The following RPN1 variants were observed in gnomAD, a reference collection of about 807,000 sequenced individuals.
RPN1 encodes dolichyl-diphosphooligosaccharide--protein glycosyltransferase subunit 1.
In RPN1, 12 loss-of-function variants were observed where a neutral mutation model predicts 55.5. That is an observed-to-expected ratio of 0.22 (90% CI 0.14 to 0.35). The LOEUF is 0.35. Among genes scored for constraint, RPN1 ranks in the 10% least tolerant of loss-of-function variants. The pLI, the probability that RPN1 is intolerant of heterozygous loss-of-function variation, is 1.00. For synonymous variants in RPN1, 317 were observed against 305.9 expected, an observed-to-expected ratio of 1.04 and a Z score of -0.38; for missense variants, 679 against 761.3, an observed-to-expected ratio of 0.89 and a Z score of 1.27.
Position 128,625,647 on chromosome 3 carries a change from A to G in RPN1, c.1282T>C (p.Tyr428His). ...AGCATGAGCACCTTGTTGAACGTGT[A>G]GTGGACCTGGGAGAAGCAAGAGGAC... ...EQHIQDIVVH[Y>H]TFNKVLMLQE... The change falls in exon 8 of 10, where the codon TAC (tyrosine) becomes CAC (histidine). Residue 428 changes from tyrosine to histidine, a missense_variant. Tyr to His is a moderately conservative substitution (Grantham distance 83). Transcript: ENST00000296255. 6.2e-7 allele frequency: 1 copy of G among 1,614,092 alleles called. No individual in the cohort carries two copies. The highest frequency in any genetic ancestry group is 1.7e-4 in the Middle Eastern group (1 of 6,030).
Position 128,648,724 on chromosome 3 carries a change from G to T in RPN1, c.261+1816C>A, listed in dbSNP as rs560289938. ...AATAGCACATATATCCATTTAACTG[G>T]TGTCTTGGACTACAAAATTGAAAAT... On this transcript the variant is annotated intron_variant, in intron 1 of 9. Transcript: ENST00000296255. Among the ~76,000 whole-genome samples, 4 of 152,214 alleles carry T rather than the reference G, an allele frequency of 2.6e-5. No homozygotes were observed. In the South Asian group the frequency reaches 8.3e-4, roughly 32 times the overall value.
chr3:128,620,014 TTAA>T lies in RPN1; in HGVS notation c.*394_*396del. 5.4e-6 allele frequency: 1 copy of T among 184,172 alleles called. No individual in the cohort carries two copies. Among genetic ancestry groups the T allele is most frequent in the Non-Finnish European group, 1.0e-5 (1 of 95,292 alleles). 11.4% of individuals were successfully genotyped at this position (184,172 alleles called of 1,614,324 possible). On this transcript the variant is annotated 3_prime_UTR_variant, in exon 10 of 10. Coordinates refer to ENST00000296255, the MANE Select transcript of RPN1 (RefSeq NM_002950.4). ...TTATTTCCATTTGTTCACACACGCT[TTAA>T]AAAAAAAAAAAAAAACACATGCACT...
At chr3:128,638,250 C>T (rs954530467) in intron 2 of RPN1, 145 bp from the exon 3 acceptor site, 1 of 630,218 alleles carries the variant, frequency 1.6e-6, no homozygotes, top group Non-Finnish European at 2.7e-6. Flanking sequence ...GAGATGGAGT[C>T]TCACTCTATC....
intron 8 of RPN1, among the ~76,000 whole-genome samples, chr3:128,624,266 C>T (rs1289159249): frequency 6.6e-6 from 1 of 152,084 alleles, no homozygotes; most frequent in Admixed American, 6.5e-5. Context: ...GGGTGGATCA[C>T]GAGGTCAGGA....
At chr3:128,627,784 A>AC (rs2069610313) in intron 5 of RPN1, among the ~76,000 whole-genome samples, 1 of 5,632 alleles carries the variant, frequency 1.8e-4, no homozygotes, top group Non-Finnish European at 4.1e-4. Flanking sequence ...AAAAAAAAAA[A>AC]AAAAGATTAA....
chr3:128,622,835 T>C (rs1008590291), intron 8 of RPN1, among the ~76,000 whole-genome samples: 7 of 148,976 alleles, frequency 4.7e-5, no homozygotes, highest in Non-Finnish European at 7.4e-5. Context: ...AGGCGGAGGT[T>C]GCAGTGAGCC....
chr3:128,646,439 C>A (rs1401962581), intron 1 of RPN1, among the ~76,000 whole-genome samples: 2 of 151,420 alleles, frequency 1.3e-5, no homozygotes, highest in Non-Finnish European at 2.9e-5. Context: ...TCCCAGCACT[C>A]TGACAGGCAG....
rs1389640103 is a variant in RPN1 at position 128,622,333 on chromosome 3, C to A, written c.1472G>T (p.Gly491Val). The change falls in exon 9 of 10, where the codon GGC (glycine) becomes GTC (valine). Residue 491 changes from glycine (G) to valine (V), a missense_variant. Around this residue, in one of 3 missense-constraint regions of RPN1, gnomAD observed 306 missense variants for 360.0 expected, o/e 0.85. Transcript: ENST00000296255. ...GGTCTCGTCAAAGTGACGGTAAAGG[C>A]CTATTCTCTTGTTGACCAGGGTCAA... ...QVLTLVNKRI[G>V]LYRHFDETVN... 1 of 1,614,188 alleles carries A rather than the reference C, an allele frequency of 6.2e-7. No homozygotes were observed. The highest frequency in any genetic ancestry group is 2.2e-5 in the East Asian group (1 of 44,882).
intron 5 of RPN1, among the ~76,000 whole-genome samples, chr3:128,629,229 A>G (rs544486613): frequency 5.9e-5 from 9 of 152,188 alleles, no homozygotes; most frequent in Middle Eastern, 3.4e-3. Context: ...CATTTTTTGT[A>G]TGGTTTTCTG....
rs1428454739 is a variant in RPN1, at chr3:128,620,124, A to C, written c.*287T>G. The C allele has an allele frequency of 7.0e-6, 2 of 284,870 alleles. No individual in the cohort carries two copies. The highest frequency in any genetic ancestry group is 1.0e-4 in the Admixed American group (2 of 19,282). 17.6% of individuals were successfully genotyped at this position (284,870 alleles called of 1,614,324 possible). Reference sequence around the variant, plus strand: ...TGAAAAATATCTTAGACTTCAGAACAGAATACCAATCAAATATTGAAAATT... The same window carrying C: ...TGAAAAATATCTTAGACTTCAGAACCGAATACCAATCAAATATTGAAAATT... On this transcript the variant is annotated 3_prime_UTR_variant, in exon 10 of 10. Coordinates refer to ENST00000296255, the MANE Select transcript of RPN1 (RefSeq NM_002950.4).
At chr3:128,635,348 C>A (rs1042882206) in intron 3 of RPN1, among the ~76,000 whole-genome samples, 1 of 151,424 alleles carries the variant, frequency 6.6e-6, no homozygotes, top group African/African-American at 2.4e-5. Flanking sequence ...GTTGCCCAGG[C>A]TGGAGTGCAG....
chr3:128,633,991 C>A (rs768362323), intron 3 of RPN1, among the ~76,000 whole-genome samples: 134 of 150,506 alleles, frequency 8.9e-4, no homozygotes, highest in South Asian at 1.5e-3. Flanking sequence ...TCAAAAAAAA[C>A]AAATAAACAA....
In RPN1 at chr3:128,639,744, C is replaced by T. The variant is rs1174400533; in HGVS notation, c.327-1639G>A. ...CTGGGATTACAGGCGTCCGCCACCA[C>T]GCCCAGCTAATTTTTGTGTTTTTAG... On this transcript the variant is annotated intron_variant, in intron 2 of 9. Coordinates refer to ENST00000296255, the MANE Select transcript of RPN1 (RefSeq NM_002950.4). Among the ~76,000 whole-genome samples, 10 of 151,920 alleles carry T rather than the reference C, an allele frequency of 6.6e-5. No homozygotes were observed. In the South Asian group the frequency reaches 1.7e-3, roughly 25 times the overall value.
At chr3:128,640,723 A>G (rs143024005) in intron 2 of RPN1, among the ~76,000 whole-genome samples, 14 of 152,218 alleles carry the variant, frequency 9.2e-5, no homozygotes, top group African/African-American at 3.4e-4. Flanking sequence ...CCTGTCCCCA[A>G]TACCTGGGCA....
intron 8 of RPN1, among the ~76,000 whole-genome samples, chr3:128,624,451 G>C (rs2107713439): frequency 1.3e-5 from 2 of 151,600 alleles, no homozygotes; most frequent in Middle Eastern, 6.8e-3. Flanking sequence ...CTGCACTCCA[G>C]CCTGGGCAAC....
At chr3:128,650,096 G>A (rs1216696495) in intron 1 of RPN1, among the ~76,000 whole-genome samples, 1 of 152,214 alleles carries the variant, frequency 6.6e-6, no homozygotes, top group African/African-American at 2.4e-5. Context: ...TCGTCGGGCC[G>A]TGAGAAATGA....
intron 5 of RPN1, among the ~76,000 whole-genome samples, chr3:128,628,163 A>C (rs1411834310): frequency 1.3e-5 from 2 of 152,062 alleles, no homozygotes; most frequent in Non-Finnish European, 2.9e-5. Context: ...AAGCTGAGGC[A>C]GGAGAATCTC....
chr3:128,637,968 A>C lies in RPN1; in HGVS notation c.464T>G (p.Val155Gly), dbSNP rs762662133. Residue 155 changes from valine (V) to glycine (G), a missense_variant, in exon 3 of 10, where the codon GTG (valine) becomes GGG (glycine). Coordinates refer to ENST00000296255, the MANE Select transcript of RPN1 (RefSeq NM_002950.4). ...QITQSEKQFV[V>G]FEGNHYFYSP... Reference sequence around the variant, plus strand: ...GTAGAAATAATGGTTCCCCTCAAACACCACAAACTGTTTCTCTGACTGGGT... The same window carrying C: ...GTAGAAATAATGGTTCCCCTCAAACCCCACAAACTGTTTCTCTGACTGGGT... 2.4e-5 allele frequency: 39 copies of C among 1,614,088 alleles called. No individual in the cohort carries two copies. The highest frequency in any genetic ancestry group is 3.3e-5 in the Non-Finnish European group (39 of 1,180,046).
chr3:128,633,151 C>T (rs1317791520), intron 3 of RPN1, among the ~76,000 whole-genome samples: 1 of 152,082 alleles, frequency 6.6e-6, no homozygotes, highest in African/African-American at 2.4e-5. Context: ...GTTTCACACA[C>T]TGGAATCCTA....
Sources: gnomAD v4.1 joint callset for allele counts (sites outside exome capture counted in the v4.1 genomes callset) on GRCh38, gnomAD v4.1.1 for gene constraint, gnomAD v4.1.1 regional missense constraint, MANE v1.5 for transcripts, NCBI Gene and HGNC (gene_info 2026-07-23, HGNC 2026-07-21) for gene names.